ABCC4: variants seen among roughly 807,000 people sequenced by gnomAD.
ABCC4 encodes ATP-binding cassette sub-family C member 4.
In ABCC4, 102 loss-of-function variants were observed where a neutral mutation model predicts 168.5. The ratio of observed to expected loss-of-function variants is 0.61; its 90% CI spans 0.52 to 0.71. The LOEUF is 0.71. ABCC4 is among the 30% of genes least tolerant of loss of function. The pLI, the probability that ABCC4 is intolerant of heterozygous loss-of-function variation, is 0.00. For missense variants in ABCC4, 1,402 were observed against 1,605.8 expected (o/e 0.87, Z 2.17); for synonymous variants, 617 against 590.7 (o/e 1.04, Z -0.65).
chr13:95,156,393 C>T (rs964363032), intron 19 of ABCC4, among the ~76,000 whole-genome samples: 4 of 152,334 alleles, frequency 2.6e-5, no homozygotes, highest in Non-Finnish European at 5.9e-5. Flanking sequence ...TACTGCAGAT[C>T]ATGCTGCCCT....
chr13:95,240,117 C>G (rs185397043), intron 3 of ABCC4, among the ~76,000 whole-genome samples: 1 of 152,136 alleles, frequency 6.6e-6, no homozygotes, highest in Admixed American at 6.6e-5. Flanking sequence ...CTTCTGGTAC[C>G]AGATGGACAT....
chr13:95,166,222 G>C lies in ABCC4; in HGVS notation c.1970C>G (p.Ser657Cys), dbSNP rs764334399. Residue 657 changes from serine to cysteine, a missense_variant, in exon 15 of 31, where the codon TCT becomes TGT. By Grantham distance (112) the Ser-to-Cys change is moderately radical. This residue lies in a region of ABCC4 where 1,007 missense variants were observed against 1,127.3 expected (regional missense o/e 0.89). Transcript: ENST00000645237. Reference sequence around the variant, plus strand: ...AGAAGATTGTTGAGACCAAACCGAAGACTCTGAGAAGGTACGATTCCTTAG... The same window carrying C: ...AGAAGATTGTTGAGACCAAACCGAACACTCTGAGAAGGTACGATTCCTTAG... The part of the protein sequence containing the change: ...PTLRNRTFSE[S>C]SVWSQQSSRP... 2.5e-6 allele frequency: 4 copies of C among 1,614,154 alleles called. No homozygotes were observed. The South Asian group carries it at 3.3e-5, about 13-fold the overall frequency.
chr13:95,199,938 T>C (rs2038576645), intron 8 of ABCC4, among the ~76,000 whole-genome samples: 1 of 152,180 alleles, frequency 6.6e-6, no homozygotes, highest in Non-Finnish European at 1.5e-5. Flanking sequence ...CTGCAGGCTA[T>C]TTCTTGAGCC....
At chr13:95,050,056 GATGAAAACC>G (rs2139257303) in intron 27 of ABCC4, among the ~76,000 whole-genome samples, 1 of 152,304 alleles carries the variant, frequency 6.6e-6, no homozygotes, top group Non-Finnish European at 1.5e-5. Flanking sequence ...ATCAATGAAA[GATGAAAACC>G]ATGGAGACAG....
At chr13:95,066,167 C>T (rs1486954355) in intron 25 of ABCC4, among the ~76,000 whole-genome samples, 1 of 152,220 alleles carries the variant, frequency 6.6e-6, no homozygotes, top group Non-Finnish European at 1.5e-5. Context: ...ATCACGGCAT[C>T]GAGCCTTGGC....
chr13:95,214,869 G>A (rs1401179748), intron 4 of ABCC4, among the ~76,000 whole-genome samples: 1 of 136,702 alleles, frequency 7.3e-6, no homozygotes, highest in Non-Finnish European at 1.5e-5. Flanking sequence ...CTGGGTGATA[G>A]GTGAGACTCC....
chr13:95,240,414 C>A (rs1056719778), intron 3 of ABCC4, among the ~76,000 whole-genome samples: 4 of 151,752 alleles, frequency 2.6e-5, no homozygotes, highest in African/African-American at 7.3e-5. Flanking sequence ...GCCTATAATC[C>A]CAGCTACTCA....
At position 95,268,912 on chromosome 13, in the gene ABCC4, A is replaced by T. The variant is rs1175169662; in HGVS notation, c.75-21159T>A. 2.6e-5 allele frequency among the ~76,000 whole-genome samples: 4 copies of T among 151,930 alleles called. No individual in the cohort carries two copies. The East Asian group carries it at 7.7e-4, about 29-fold the overall frequency. ...CCCCTGGGCCCACTTTTCTTTCTCT[A>T]TACTTTGTCTCTGTGTCTCTTTCTT... On this transcript the variant is annotated intron_variant, in intron 1 of 30. Transcript: ENST00000645237.
chr13:95,266,038 C>T (rs1291647939), intron 1 of ABCC4: 1 of 152,170 alleles, frequency 6.6e-6, no homozygotes, highest in African/African-American at 2.4e-5. Context: ...GTGAAGTAGG[C>T]TCCTGAAGGG....
At chr13:95,216,337 G>A (rs988244041) in intron 4 of ABCC4, among the ~76,000 whole-genome samples, 16 of 152,012 alleles carry the variant, frequency 1.1e-4, no homozygotes, top group Admixed American at 2.0e-4. Flanking sequence ...ATGTATCATC[G>A]TTCTGCAAAT....
chr13:95,183,098 G>A (rs531382514), intron 11 of ABCC4, among the ~76,000 whole-genome samples: 82 of 149,504 alleles, frequency 5.5e-4, no homozygotes, highest in African/African-American at 1.5e-3. Flanking sequence ...TTTTGCGGGG[G>A]AGGGTGGCCA....
rs570897146 is a variant in ABCC4 at position 95,235,562 on chromosome 13, A to C, written c.307-728T>G. Among the ~76,000 whole-genome samples, 194 of 152,208 alleles carry C rather than the reference A, an allele frequency of 1.3e-3. 4 individuals carry two copies. Among genetic ancestry groups the C allele is most frequent in the South Asian group, 2.5e-3 (12 of 4,818 alleles). On this transcript the variant is annotated intron_variant, in intron 3 of 30. Coordinates refer to ENST00000645237, the MANE Select transcript of ABCC4 (RefSeq NM_005845.5). ...ACAGGCTCGTCTATGGGAGGCCAGC[A>C]CTCTTGCCACCTTCTTCACAGTTAA...
At chr13:95,109,703 C>T (rs374324034) in intron 20 of ABCC4, among the ~76,000 whole-genome samples, 3 of 152,164 alleles carry the variant, frequency 2.0e-5, no homozygotes, top group Admixed American at 6.6e-5. Context: ...AAATTTGTCT[C>T]GTGCTGAGAC....
At chr13:95,175,862 T>C (rs1333668622) in intron 13 of ABCC4, among the ~76,000 whole-genome samples, 3 of 152,154 alleles carry the variant, frequency 2.0e-5, no homozygotes, top group African/African-American at 7.2e-5. Flanking sequence ...CCCCAGCCTG[T>C]GGCATTTTGT....
At chr13:95,259,525 A>G (rs12864631) in intron 1 of ABCC4, among the ~76,000 whole-genome samples, 27,518 of 152,154 alleles carry the variant, frequency 0.18, 3,179 homozygotes, top group East Asian at 0.34. Context: ...AGCATCCCTG[A>G]ACCCCACCCT....
In ABCC4 at chr13:95,236,593, C is replaced by A. The variant is rs566419720; in HGVS notation, c.307-1759G>T. Among the ~76,000 whole-genome samples, 295 of 96,778 alleles carry A rather than the reference C, an allele frequency of 3.0e-3. 1 individual carries two copies. Among genetic ancestry groups the A allele is most frequent in the African/African-American group, 8.3e-3 (269 of 32,468 alleles). 63.5% of individuals were successfully genotyped at this position (96,778 alleles called of 152,430 possible). On this transcript the variant is annotated intron_variant, in intron 3 of 30. Transcript: ENST00000645237. ...AAGCCTGTCTCGGCATGTGAACGCG[C>A]GCGTGCGCGCACACACACACACACA... is the stretch of plus-strand genomic sequence containing the variant.
At chr13:95,274,522 A>T (rs2040924647) in intron 1 of ABCC4, among the ~76,000 whole-genome samples, 1 of 152,072 alleles carries the variant, frequency 6.6e-6, no homozygotes, top group Non-Finnish European at 1.5e-5. Flanking sequence ...AAATTATTCA[A>T]ACTAGCCAAT....
intron 1 of ABCC4, among the ~76,000 whole-genome samples, chr13:95,298,832 T>C (rs1423102851): frequency 6.6e-6 from 1 of 152,142 alleles, no homozygotes; most frequent in Non-Finnish European, 1.5e-5. Context: ...TTAAGTGTCC[T>C]CGGAGTAAAA....
At chr13:95,032,180 A>G (rs115978845) in intron 30 of ABCC4, among the ~76,000 whole-genome samples, 352 of 152,362 alleles carry the variant, frequency 2.3e-3, no homozygotes, top group African/African-American at 8.2e-3. Context: ...ATGAAAATTC[A>G]GAACACAGAT....
Sources: allele counts gnomAD v4.1 joint callset (sites outside exome capture counted in the v4.1 genomes callset), GRCh38; gene constraint gnomAD v4.1.1; regional missense constraint gnomAD v4.1.1; transcripts MANE v1.5; gene names NCBI Gene and HGNC (gene_info 2026-07-23, HGNC 2026-07-21).